The following USP28 variants were observed in gnomAD, a reference collection of about 807,000 sequenced individuals.
The protein encoded by USP28 is ubiquitin carboxyl-terminal hydrolase 28.
A neutral mutation model predicts 145.0 loss-of-function variants in USP28; 113 were observed. That is an observed-to-expected ratio of 0.78 (90% CI 0.67 to 0.91). The LOEUF (loss-of-function observed/expected upper bound fraction) is 0.91. Among genes scored for constraint, USP28 ranks in the 40% least tolerant of loss-of-function variants. The probability of loss-of-function intolerance (pLI) is 0.00; values close to 1 mark genes in which losing one functional copy is unlikely to be tolerated. For synonymous variants in USP28, 447 were observed against 450.9 expected, an observed-to-expected ratio of 0.99 and a Z score of 0.11; for missense variants, 1,201 against 1,289.6, an observed-to-expected ratio of 0.93 and a Z score of 1.05.
At chr11:113,829,521 G>A (rs776436451) in intron 9 of USP28, 176 bp from the exon 10 acceptor site, 196 of 706,548 alleles carry the variant, frequency 2.8e-4, no homozygotes, top group Non-Finnish European at 4.2e-4. Context: ...ACTGAACAAT[G>A]AAAACCAGTA....
intron 11 of USP28, among the ~76,000 whole-genome samples, chr11:113,826,875 C>T (rs554496295): frequency 1.5e-4 from 23 of 150,240 alleles, no homozygotes; most frequent in East Asian, 5.9e-4. Context: ...GCCGAGATTG[C>T]GCCATTGCAC....
At chr11:113,838,973 G>A (rs965814213) in intron 5 of USP28, among the ~76,000 whole-genome samples, 1 of 152,182 alleles carries the variant, frequency 6.6e-6, no homozygotes, top group Admixed American at 6.5e-5. Context: ...GTTGCATTGG[G>A]GCTATGTAAG....
chr11:113,803,758 T>A, intron 22 of USP28, 40 bp downstream of exon 23: 1 of 1,549,360 alleles, frequency 6.5e-7, no homozygotes, highest in Non-Finnish European at 8.9e-7. Flanking sequence ...GAGAACAGCA[T>A]CCTGACTAAT....
At chr11:113,840,104 T>A (rs1464090831) in intron 5 of USP28, among the ~76,000 whole-genome samples, 2 of 152,206 alleles carry the variant, frequency 1.3e-5, no homozygotes, top group Non-Finnish European at 2.9e-5. Flanking sequence ...AATGGTACTA[T>A]AATCCACCTG....
At chr11:113,864,473 T>C (rs1948071005) in intron 1 of USP28, among the ~76,000 whole-genome samples, 1 of 151,990 alleles carries the variant, frequency 6.6e-6, no homozygotes, top group Non-Finnish European at 1.5e-5. Context: ...AGACCAGCGG[T>C]GTAGTGTTAG....
At chr11:113,867,819 GAGGAA>G in intron 1 of USP28, among the ~76,000 whole-genome samples, 1 of 128,410 alleles carries the variant, frequency 7.8e-6, no homozygotes, top group African/African-American at 2.9e-5. Flanking sequence ...GGGAGGGAGG[GAGGAA>G]GGGAGGGAGG....
intron 15 of USP28, 95 bp from the exon 16 acceptor site, chr11:113,812,599 T>A: frequency 9.2e-7 from 1 of 1,089,054 alleles, no homozygotes. Context: ...ATGTGATTAA[T>A]GTGGGGTTCA....
chr11:113,860,690 G>A (rs757667230), intron 1 of USP28, among the ~76,000 whole-genome samples: 2 of 151,912 alleles, frequency 1.3e-5, no homozygotes, highest in Non-Finnish European at 2.9e-5. Flanking sequence ...ATGGTGGCGG[G>A]CACCTGTAGT....
At chr11:113,822,458 C>CAGAGAGAGAGAGAGAGAGAGAGAGAGAG (rs10524675) in intron 12 of USP28, 1 of 136,398 alleles carries the variant, frequency 7.3e-6, no homozygotes, top group Non-Finnish European at 1.6e-5. Flanking sequence ...TCAAAAAAAA[C>CAGAGAGAGAGAGAGAGAGAGAGAGAGAG]AGAGAGAGAG....
chr11:113,872,538 T>C (rs529190693), intron 1 of USP28, among the ~76,000 whole-genome samples: 17 of 151,778 alleles, frequency 1.1e-4, no homozygotes, highest in African/African-American at 3.6e-4. Context: ...GCATGAGAGT[T>C]GTGGAACCAA....
chr11:113,824,466 C>T (rs1292738175), intron 11 of USP28, among the ~76,000 whole-genome samples: 2 of 151,768 alleles, frequency 1.3e-5, no homozygotes, highest in Non-Finnish European at 2.9e-5. Flanking sequence ...TACAGGTGCC[C>T]ATCACCAAGT....
intron 11 of USP28, among the ~76,000 whole-genome samples, chr11:113,826,337 A>ATTTTTTTTTT (rs71063527): frequency 9.9e-5 from 5 of 50,736 alleles, no homozygotes; most frequent in East Asian, 1.7e-3. Context: ...CACCACACCC[A>ATTTTTTTTTT]TTTTTTTTTT....
At chr11:113,832,215 T>G (rs1419881440) in intron 7 of USP28, among the ~76,000 whole-genome samples, 1 of 152,176 alleles carries the variant, frequency 6.6e-6, no homozygotes, top group Admixed American at 6.5e-5. Flanking sequence ...ATTCAAGCGA[T>G]TCTCCTGCCT....
At chr11:113,801,055 C>T (rs1938925836) in intron 24 of USP28, among the ~76,000 whole-genome samples, 1 of 152,062 alleles carries the variant, frequency 6.6e-6, no homozygotes, top group Non-Finnish European at 1.5e-5. Flanking sequence ...GTTGGCCAGA[C>T]TTGGTCTTGA....
chr11:113,853,862 G>C (rs924291613), intron 2 of USP28, among the ~76,000 whole-genome samples: 1 of 118,240 alleles, frequency 8.5e-6, no homozygotes, highest in African/African-American at 3.3e-5. Flanking sequence ...CTGGGCATCA[G>C]AGTGAGACTC....
chr11:113,861,946 A>G (rs914431601), intron 1 of USP28, among the ~76,000 whole-genome samples: 6 of 152,256 alleles, frequency 3.9e-5, no homozygotes, highest in Non-Finnish European at 8.8e-5. Flanking sequence ...TATCAGGGAA[A>G]GATATGAGAA....
Position 113,824,886 on chromosome 11 carries a change from G to A in USP28, c.1188-1186C>T, listed in dbSNP as rs370406798. Among the ~76,000 whole-genome samples the A allele has an allele frequency of 1.9e-3, 280 of 145,716 alleles. 2 individuals carry two copies. Among genetic ancestry groups the A allele is most frequent in the African/African-American group, 6.7e-3 (264 of 39,334 alleles). ...GCAGAGGTTGCGGTGAGCCAAGATC[G>A]CACCATTGCACTCCAGCCTGGGCAA... is the stretch of plus-strand genomic sequence containing the variant. On this transcript the variant is annotated intron_variant, in intron 11 of 24. Coordinates refer to ENST00000003302, the Ensembl canonical transcript of USP28.
At chr11:113,864,772 A>G (rs1474526819) in intron 1 of USP28, among the ~76,000 whole-genome samples, 1 of 152,198 alleles carries the variant, frequency 6.6e-6, no homozygotes, top group Non-Finnish European at 1.5e-5. Flanking sequence ...ACGCTCACAG[A>G]CACACCTAGA....
intron 15 of USP28, among the ~76,000 whole-genome samples, chr11:113,812,913 T>C (rs1447490784): frequency 6.6e-6 from 1 of 152,250 alleles, no homozygotes; most frequent in Non-Finnish European, 1.5e-5. Flanking sequence ...CTATTTTATT[T>C]GGCAACAAAA....
Sources: gnomAD v4.1 joint callset for allele counts (sites outside exome capture counted in the v4.1 genomes callset) on GRCh38, gnomAD v4.1.1 for gene constraint, MANE v1.5 for transcripts, NCBI Gene and HGNC (gene_info 2026-07-23, HGNC 2026-07-21) for gene names.